Variants in CROCC observed in about 807,000 individuals in gnomAD.
CROCC encodes the protein rootletin.
A neutral mutation model predicts 245.2 loss-of-function variants in CROCC; 180 were observed. The observed-to-expected ratio is 0.73, with a 90% CI of 0.65 to 0.83. CROCC has a LOEUF of 0.83. CROCC is among the 40% of genes least tolerant of loss of function. The pLI is 0.00. For synonymous variants in CROCC, 1,205 were observed against 1,241.6 expected (o/e 0.97, Z 0.62); for missense variants, 2,688 against 2,779.4 (o/e 0.97, Z 0.74).
rs780270735 is a variant in CROCC, at chr1:16,972,386, G to C, written c.5994G>C (p.Gln1998His). 3.4e-5 allele frequency: 55 copies of C among 1,613,910 alleles called. 1 individual carries two copies. The highest frequency in any genetic ancestry group is 1.3e-4 in the Admixed American group (8 of 59,992). ...TGTCCACACTGAAGGGCCAGCTGCA[G>C]CAGGAGCTTCGAAGGAGCTCAGCAC... ...EQVSTLKGQL[Q>H]QELRRSSAPF... The change falls in exon 37 of 37, where the codon CAG becomes CAC. Residue 1998 changes from glutamine to histidine, a missense_variant. This residue lies in a region of CROCC where 1,218 missense variants were observed against 1,286.3 expected (regional missense o/e 0.95). Transcript: ENST00000375541.
intron 2 of CROCC, among the ~76,000 whole-genome samples, chr1:16,923,917 G>T (rs1263815593): frequency 6.6e-6 from 1 of 152,266 alleles, no homozygotes; most frequent in South Asian, 2.1e-4. Context: ...CTGACCTCAG[G>T]TGATCCTCCT....
At chr1:16,948,716 T>C (rs974141560) in intron 18 of CROCC, 83 bp from the exon 19 acceptor site, 1 of 1,583,850 alleles carries the variant, frequency 6.3e-7, no homozygotes, top group African/African-American at 1.3e-5. Flanking sequence ...ACTTGGCCCA[T>C]GCCTGGCCAC....
rs151141857 is a variant in CROCC, at chr1:16,936,810, G to T, written c.1130G>T (p.Arg377Leu). 1,407 of 1,612,058 alleles carry T rather than the reference G, an allele frequency of 8.7e-4. 4 individuals are homozygous for T. Among genetic ancestry groups the T allele is most frequent in the Admixed American group, 9.8e-4 (59 of 59,998 alleles). Residue 377 changes from arginine to leucine, a missense_variant, in exon 9 of 37, where the codon CGC becomes CTC. Around this residue, in one of 9 missense-constraint regions of CROCC, gnomAD observed 972 missense variants for 895.3 expected, o/e 1.09. Transcript: ENST00000375541. ...GAGCAGCTGCGGGACAAGGTGCTCC[G>T]CGAGAAGGACCTGGCGCAGCAGCAG... ...LEEQLRDKVL[R>L]EKDLAQQQMQ...
At chr1:16,961,594 G>T (rs556986900) in intron 27 of CROCC, among the ~76,000 whole-genome samples, 1 of 152,088 alleles carries the variant, frequency 6.6e-6, no homozygotes, top group East Asian at 1.9e-4. Context: ...TTTTGGGGAA[G>T]TGGGGTGATT....
chr1:16,929,849 G>A lies in CROCC; in HGVS notation c.355G>A (p.Glu119Lys). 6.4e-7 allele frequency: 1 copy of A among 1,555,840 alleles called. No individual in the cohort carries two copies. Among genetic ancestry groups the A allele is most frequent in the Non-Finnish European group, 8.7e-7 (1 of 1,153,978 alleles). ...IKYNAVSERL[E>K]QALRLEPGEL... The stretch of plus-strand genomic sequence containing the variant: ...CACCCAGGGCCCTTCCCTGCAGCTG[G>A]AGCAGGCTCTGCGGCTGGAGCCTGG... Residue 119 changes from glutamate (E) to lysine (K), a missense_variant, in exon 4 of 37, where the codon GAG becomes AAG. Glu to Lys is a moderately conservative substitution (Grantham distance 56). This residue lies in a region of CROCC where 972 missense variants were observed against 895.3 expected (regional missense o/e 1.09). Coordinates refer to ENST00000375541, the MANE Select transcript of CROCC (RefSeq NM_014675.5).
Position 16,946,240 on chromosome 1 carries a change from TCGGGGCCTGACC to T in CROCC, c.2137-17_2137-6del, listed in dbSNP as rs763078845. ...CGACCTTTCTGCCTTTCCTCATTTCTCGGGGCCTGACCCTGCAGGCTGAGGCTGGCCGCGTGG... is the reference window on the plus strand; with the variant it reads ...CGACCTTTCTGCCTTTCCTCATTTCTCTGCAGGCTGAGGCTGGCCGCGTGG... On this transcript the variant is annotated splice_polypyrimidine_tract_variant and splice_region_variant and intron_variant, in intron 15 of 36. Coordinates refer to ENST00000375541, the MANE Select transcript of CROCC (RefSeq NM_014675.5). 4.1e-4 allele frequency: 660 copies of T among 1,608,126 alleles called. 1 individual carries two copies. In the South Asian group the frequency reaches 7.1e-3, roughly 17 times the overall value.
At position 16,970,836 on chromosome 1, in the gene CROCC, C is replaced by T. The variant is rs867986071; in HGVS notation, c.5784+69C>T. The T allele has an allele frequency of 2.8e-5, 41 of 1,466,218 alleles. No homozygotes were observed. In the Middle Eastern group the frequency reaches 7.7e-4, roughly 28 times the overall value. 90.8% of individuals were successfully genotyped at this position (1,466,218 alleles called of 1,614,324 possible). On this transcript the variant is annotated intron_variant, in intron 35 of 36. Coordinates refer to ENST00000375541, the MANE Select transcript of CROCC (RefSeq NM_014675.5). ...TGAGTGCTCAGCAATTCCAGTGGAG[C>T]TGATGGCCCAGCCAGCCCAGGGCCC...
Position 16,969,277 on chromosome 1 carries a change from G to C in CROCC, c.5238G>C (p.Arg1746=). 6.2e-7 allele frequency: 1 copy of C among 1,613,248 alleles called. No individual in the cohort carries two copies. Among genetic ancestry groups the C allele is most frequent in the African/African-American group, 1.3e-5 (1 of 75,042 alleles). ...GCAGTGCCAGCCTCAACAGCACCCG[G>C]GACAAGAACCTGCATCTGCAGAAGG... ...AQSSASLNST[R]DKNLHLQKAL... The change falls in exon 32 of 37, where the codon CGG becomes CGC. Residue 1746 remains arginine, a synonymous_variant. Transcript: ENST00000375541.
chr1:16,920,384 G>T (rs1015605438), upstream of CROCC, among the ~76,000 whole-genome samples: 24 of 152,214 alleles, frequency 1.6e-4, no homozygotes, highest in Admixed American at 1.6e-3. Context: ...GTAGAGATGG[G>T]GTTTCACTAT....
rs556029612 is a variant in CROCC at position 16,924,699 on chromosome 1, A to G, written c.351+220A>G. 1.1e-3 allele frequency among the ~76,000 whole-genome samples: 174 copies of G among 152,384 alleles called. 3 individuals are homozygous for G. In the South Asian group the frequency reaches 0.034, roughly 30 times the overall value. ...GGATTGTAATGGGACGTGGAATTGTAGGAATCAAGGAGATAATAGAATAAA... is the reference window on the plus strand; with the variant it reads ...GGATTGTAATGGGACGTGGAATTGTGGGAATCAAGGAGATAATAGAATAAA... On this transcript the variant is annotated intron_variant, in intron 3 of 36. Transcript: ENST00000375541.
At position 16,948,337 on chromosome 1, in the gene CROCC, C is replaced by A; in HGVS notation, c.2521C>A (p.Arg841=). ...GTCTCTGGGTGGGGGCCAGCTCTCC[C>A]GGCAGCTGAGCGGGCGGGAGCAGGA... is the stretch of plus-strand genomic sequence containing the variant. The part of the protein sequence containing the change: ...QLQEQLAQLS[R]QLSGREQELE... The change falls in exon 18 of 37, where the codon CGG becomes AGG. Residue 841 remains arginine, a synonymous_variant. Transcript: ENST00000375541. The A allele has an allele frequency of 6.4e-7, 1 of 1,567,054 alleles. No individual in the cohort carries two copies. The highest frequency in any genetic ancestry group is 1.8e-5 in the Admixed American group (1 of 54,334).
chr1:16,939,366 G>T (rs2075869683), intron 12 of CROCC, among the ~76,000 whole-genome samples: 1 of 152,252 alleles, frequency 6.6e-6, no homozygotes, highest in South Asian at 2.1e-4. Flanking sequence ...CCAGAAGTGG[G>T]GGTGCTTGGG....
At chr1:16,970,825 T>C in intron 35 of CROCC, 58 bp downstream of exon 35, 1 of 1,483,096 alleles carries the variant, frequency 6.7e-7, no homozygotes, top group Non-Finnish European at 8.9e-7. Flanking sequence ...TGCTCAGCAA[T>C]TCCAGTGGAG....
intron 36 of CROCC, 97 bp from the exon 37 acceptor site, chr1:16,972,263 A>G: frequency 1.1e-6 from 1 of 938,062 alleles, no homozygotes; most frequent in African/African-American, 1.6e-5. Flanking sequence ...CCTTTCCTGA[A>G]ACTGTGGCAC....
intron 27 of CROCC, among the ~76,000 whole-genome samples, chr1:16,965,148 C>T (rs769921171): frequency 1.2e-4 from 19 of 152,226 alleles, no homozygotes; most frequent in Non-Finnish European, 2.1e-4. Context: ...CTGCTTTGTG[C>T]CAGCCTTGCC....
In CROCC at chr1:16,972,340, ACCTTC is replaced by A. The variant is rs758485681; in HGVS notation, c.5968-15_5968-11del. ...CCAGGCTGAGGACCTGGCTGGCCTT[ACCTTC>A]CCTTTCTTCCCCAGGTGTCCACACT... On this transcript the variant is annotated splice_polypyrimidine_tract_variant and intron_variant, in intron 36 of 36. Coordinates refer to ENST00000375541, the MANE Select transcript of CROCC (RefSeq NM_014675.5). 1.9e-6 allele frequency: 3 copies of A among 1,610,252 alleles called. No individual in the cohort carries two copies. The highest frequency in any genetic ancestry group is 1.7e-6 in the Non-Finnish European group (2 of 1,176,900).
chr1:16,956,084 G>T lies in CROCC; in HGVS notation c.3792G>T (p.Leu1264=). Residue 1264 remains leucine, a synonymous_variant, in exon 25 of 37, where the codon CTG becomes CTT. Coordinates refer to ENST00000375541, the MANE Select transcript of CROCC (RefSeq NM_014675.5). ...RTAVGKEAGE[L]RTGLQEVERS... ...CTGTGGGCAAGGAGGCCGGGGAGCT[G>T]CGAACTGGGCTGCAGGAGGTGGAGC... 4.5e-6 allele frequency: 7 copies of T among 1,551,008 alleles called. No individual in the cohort carries two copies. In the South Asian group the frequency reaches 7.1e-5, roughly 16 times the overall value.
intron 3 of CROCC, among the ~76,000 whole-genome samples, chr1:16,925,098 G>C (rs114622609): frequency 6.6e-6 from 1 of 152,268 alleles, no homozygotes; most frequent in Non-Finnish European, 1.5e-5. Context: ...CGAGGGGTGC[G>C]GGATGCTCTT....
intron 13 of CROCC, chr1:16,941,270 C>T (rs1450031102): frequency 1.3e-5 from 2 of 152,736 alleles, no homozygotes; most frequent in Admixed American, 1.3e-4. Context: ...ACTAAAAATA[C>T]AAAAATTAAC....
Sources: gnomAD v4.1 joint callset for allele counts (sites outside exome capture counted in the v4.1 genomes callset) on GRCh38, gnomAD v4.1.1 for gene constraint, gnomAD v4.1.1 regional missense constraint, MANE v1.5 for transcripts, NCBI Gene and HGNC (gene_info 2026-07-23, HGNC 2026-07-21) for gene names.